C5: variants seen among roughly 807,000 people sequenced by gnomAD.
C5 encodes the protein C3 and PZP-like alpha-2-macroglobulin domain-containing protein 4.
C5 carries 140 observed loss-of-function variants against 218.8 expected under a neutral mutation model. That is an observed-to-expected ratio of 0.64 (90% CI 0.56 to 0.74). The LOEUF (loss-of-function observed/expected upper bound fraction) is 0.74, where lower values mean the gene tolerates loss of function less well. C5 is among the 30% of genes least tolerant of loss of function. The pLI, the probability that C5 is intolerant of heterozygous loss-of-function variation, is 0.00. For missense variants in C5, 1,700 were observed against 1,969.6 expected (o/e 0.86, Z 2.59); for synonymous variants, 614 against 682.3 (o/e 0.90, Z 1.56).
Position 120,996,523 on chromosome 9 carries a change from A to G in C5, c.2791-223T>C, listed in dbSNP as rs2047117734. Among the ~76,000 whole-genome samples the G allele has an allele frequency of 3.9e-5, 6 of 152,388 alleles. No homozygotes were observed. The South Asian group carries it at 1.2e-3, about 32-fold the overall frequency. On this transcript the variant is annotated intron_variant, in intron 21 of 40. Transcript: ENST00000223642. ...TAAAAAGAAGTTATTTATAAGCCAG[A>G]TAATTGTTCTAAGTGCTTTATATGT...
intron 20 of C5, among the ~76,000 whole-genome samples, chr9:120,998,014 G>A (rs2047131959): frequency 6.6e-6 from 1 of 152,074 alleles, no homozygotes; most frequent in Non-Finnish European, 1.5e-5. Context: ...TGTTGGCCAG[G>A]CTGATCTCGA....
intron 28 of C5, among the ~76,000 whole-genome samples, chr9:120,979,128 A>C (rs2046973551): frequency 6.7e-6 from 1 of 148,462 alleles, no homozygotes; most frequent in African/African-American, 2.5e-5. Flanking sequence ...CTCACTTCCT[A>C]CTCCTCTTCT....
rs2047004923 is a variant in C5, at chr9:120,982,805, A to T, written c.3240T>A (p.Ala1080=). The T allele has an allele frequency of 1.3e-6, 2 of 1,578,968 alleles. No individual in the cohort carries two copies. Among genetic ancestry groups the T allele is most frequent in the South Asian group, 1.1e-5 (1 of 89,512 alleles). ...KGGSASTWLT[A]FALRVLGQVN... Reference sequence around the variant, plus strand: ...CTTGTCCAAGTACTCTTAAAGCAAAAGCTGTTAACCTTTAAGACAAAATCA... The same window carrying T: ...CTTGTCCAAGTACTCTTAAAGCAAATGCTGTTAACCTTTAAGACAAAATCA... Residue 1080 remains alanine, a synonymous_variant, in exon 26 of 41, where the codon GCT becomes GCA. Coordinates refer to ENST00000223642, the MANE Select transcript of C5 (RefSeq NM_001735.3).
chr9:121,003,930 G>A (rs922875588), intron 20 of C5, among the ~76,000 whole-genome samples: 12 of 151,976 alleles, frequency 7.9e-5, no homozygotes, highest in Non-Finnish European at 1.8e-4. Context: ...GTGTAGTGGC[G>A]CAATCTCGGC....
At chr9:120,954,674 T>TTTA (rs2046771860) in intron 39 of C5, among the ~76,000 whole-genome samples, 1 of 152,258 alleles carries the variant, frequency 6.6e-6, no homozygotes, top group Non-Finnish European at 1.5e-5. Context: ...TCGCTATATA[T>TTTA]ACAGGGCTGA....
intron 25 of C5, among the ~76,000 whole-genome samples, 187 bp downstream of exon 25, chr9:120,988,859 G>T (rs552395431): frequency 7.9e-5 from 12 of 152,252 alleles, no homozygotes; most frequent in Non-Finnish European, 1.6e-4. Flanking sequence ...GTGAGAAGTA[G>T]TCAAATTAAG....
intron 12 of C5, among the ~76,000 whole-genome samples, chr9:121,018,817 G>A (rs1024843584): frequency 3.3e-5 from 5 of 151,508 alleles, no homozygotes; most frequent in East Asian, 3.9e-4. Flanking sequence ...GTGAGTTAAC[G>A]TTTATGGGCC....
At chr9:121,039,291 C>G (rs1257860381) in intron 3 of C5, among the ~76,000 whole-genome samples, 2 of 152,132 alleles carry the variant, frequency 1.3e-5, no homozygotes, top group African/African-American at 2.4e-5. Flanking sequence ...TTAATCTTGT[C>G]TTCACAGCGA....
At chr9:120,972,373 G>T (rs1424193676) in intron 30 of C5, among the ~76,000 whole-genome samples, 1 of 152,190 alleles carries the variant, frequency 6.6e-6, no homozygotes, top group East Asian at 1.9e-4. Context: ...TGCCAATGGA[G>T]ATCGTTTTCA....
At chr9:121,031,621 G>A (rs1218041565) in intron 6 of C5, among the ~76,000 whole-genome samples, 1 of 152,132 alleles carries the variant, frequency 6.6e-6, no homozygotes, top group African/African-American at 2.4e-5. Context: ...GCTGGAACTA[G>A]AATCTAGGCA....
At chr9:121,022,783 T>C (rs1403596421) in intron 10 of C5, among the ~76,000 whole-genome samples, 9 of 151,662 alleles carry the variant, frequency 5.9e-5, no homozygotes, top group African/African-American at 2.2e-4. Context: ...TTCAATTCTA[T>C]ACTGTCAGCA....
At chr9:120,954,452 C>T (rs2046770441) in intron 39 of C5, among the ~76,000 whole-genome samples, 3 of 152,200 alleles carry the variant, frequency 2.0e-5, no homozygotes, top group Non-Finnish European at 4.4e-5. Flanking sequence ...GCATTCCTCC[C>T]CATGTTGGCC....
chr9:121,066,042 C>CCT, the C5 span, among the ~76,000 whole-genome samples: 2 of 151,994 alleles, frequency 1.3e-5, no homozygotes, highest in Non-Finnish European at 2.9e-5. Flanking sequence ...AGGTTGGGCG[C>CCT]GGTGTCTCAC....
chr9:120,997,442 G>T, intron 21 of C5, 105 bp downstream of exon 21: 2 of 894,266 alleles, frequency 2.2e-6, no homozygotes, highest in Non-Finnish European at 3.6e-6. Flanking sequence ...TTTCCTTAAT[G>T]CTTAATGTTT....
intron 38 of C5, among the ~76,000 whole-genome samples, chr9:120,958,800 T>C (rs2046805080): frequency 6.6e-6 from 1 of 152,236 alleles, no homozygotes; most frequent in African/African-American, 2.4e-5. Flanking sequence ...GATAATACTC[T>C]GTTACATTTT....
intron 22 of C5, among the ~76,000 whole-genome samples, chr9:120,995,414 A>G (rs1564143799): frequency 6.6e-6 from 1 of 152,178 alleles, no homozygotes; most frequent in African/African-American, 2.4e-5. Context: ...AAATACATGT[A>G]TATGTATTTA....
rs1419810100 is a variant in C5, at chr9:120,980,130, T to C, written c.3611A>G (p.Gln1204Arg). 2 of 1,613,970 alleles carry C rather than the reference T, an allele frequency of 1.2e-6. No individual in the cohort carries two copies. The highest frequency in any genetic ancestry group is 1.1e-5 in the South Asian group (1 of 91,080). ...CAAAGCTGAAACAATTGAACGAAAC[T>C]GTGGGTGAGTTTTATCTCCCAGGGA... ...ALSLGDKTHP[Q>R]FRSIVSALKR... is the part of the protein sequence containing the mutation. The change falls in exon 28 of 41, where the codon CAG becomes CGG. Residue 1204 changes from glutamine (Q) to arginine (R), a missense_variant. Gln to Arg is a conservative substitution (Grantham distance 43, BLOSUM62 1). Transcript: ENST00000223642.
Position 120,961,495 on chromosome 9 carries a change from G to A in C5, c.4575C>T (p.Cys1525=). The A allele has an allele frequency of 6.2e-7, 1 of 1,608,602 alleles. No homozygotes were observed. Among genetic ancestry groups the A allele is most frequent in the Non-Finnish European group, 8.5e-7 (1 of 1,175,032 alleles). ...KIQKVCEGAA[C]KCVEADCGQM... ...AATAAAGTTTACCTTCTACACACTT[G>A]CACGCGGCTCCTTCACAGACTTTCT... Residue 1525 remains cysteine (C), a synonymous_variant, in exon 37 of 41, where the codon TGC becomes TGT. Coordinates refer to ENST00000223642, the MANE Select transcript of C5 (RefSeq NM_001735.3).
chr9:120,955,649 A>G (rs1336741034), intron 39 of C5, among the ~76,000 whole-genome samples: 1 of 152,190 alleles, frequency 6.6e-6, no homozygotes, highest in Non-Finnish European at 1.5e-5. Context: ...AGAAAAAAAT[A>G]AAATAACTTC....
Sources: allele counts gnomAD v4.1 joint callset (sites outside exome capture counted in the v4.1 genomes callset), GRCh38; gene constraint gnomAD v4.1.1; transcripts MANE v1.5; gene names NCBI Gene and HGNC (gene_info 2026-07-23, HGNC 2026-07-21).